DNAAF8: variants seen among roughly 807,000 people sequenced by gnomAD.
DNAAF8 encodes dynein axonemal-associated protein 1.
A neutral mutation model predicts 54.6 loss-of-function variants in DNAAF8; 61 were observed. That is an observed-to-expected ratio of 1.12 (90% CI 0.91 to 1.38). The LOEUF is 1.38. Among genes scored for constraint, DNAAF8 ranks in the 40% most tolerant of loss-of-function variants. The pLI is 0.00. For missense variants in DNAAF8, 837 were observed against 665.0 expected, an observed-to-expected ratio of 1.26 and a Z score of -2.85; for synonymous variants, 320 against 270.1, an observed-to-expected ratio of 1.18 and a Z score of -1.81.
chr16:4,734,692 G>T lies in DNAAF8; in HGVS notation c.-58G>T, dbSNP rs535259637. 366 of 152,398 alleles carry T rather than the reference G, an allele frequency of 2.4e-3. 1 individual carries two copies. The highest frequency in any genetic ancestry group is 4.3e-3 in the Non-Finnish European group (292 of 68,104). The allele number at this position is 152,398 out of a possible 1,614,324, so 9.4% of individuals were successfully genotyped here. On this transcript the variant is annotated 5_prime_UTR_variant, in exon 1 of 10. Transcript: ENST00000299320. ...GACAGCGCGGGGAGTGGAGGCAGAG[G>T]CCTGAGGTGAGGGGCCTCGGGCCTG...
chr16:4,736,964 C>T (rs80028185), intron 2 of DNAAF8, among the ~76,000 whole-genome samples: 3 of 152,242 alleles, frequency 2.0e-5, no homozygotes, highest in Non-Finnish European at 4.4e-5. Flanking sequence ...CTGTCCTTTC[C>T]ATTCTGCTAT....
In DNAAF8 at chr16:4,746,605, A is replaced by T. The variant is rs138694922; in HGVS notation, c.1181+93A>T. On this transcript the variant is annotated intron_variant, in intron 7 of 9. Coordinates refer to ENST00000299320, the MANE Select transcript of DNAAF8 (RefSeq NM_139170.3). Reference sequence around the variant, plus strand: ...CCTCTGGTGGATCCTGATGGGGAGGAACAGGGACTTCAAAAGGCTTGGATC... The same window carrying T: ...CCTCTGGTGGATCCTGATGGGGAGGTACAGGGACTTCAAAAGGCTTGGATC... The T allele has an allele frequency of 4.5e-5, 64 of 1,427,236 alleles. No homozygotes were observed. In the East Asian group the frequency reaches 1.5e-3, roughly 33 times the overall value. The allele number at this position is 1,427,236 out of a possible 1,614,324, so 88.4% of individuals were successfully genotyped here. A position where few individuals can be genotyped will look rare whatever the true frequency, so the allele number is the denominator to read the frequency against.
At chr16:4,735,540 A>AG (rs1362557791) in intron 1 of DNAAF8, among the ~76,000 whole-genome samples, 2 of 151,874 alleles carry the variant, frequency 1.3e-5, no homozygotes, top group African/African-American at 2.4e-5. Flanking sequence ...CTCACCCCCC[A>AG]GCTCTCAAGC....
intron 1 of DNAAF8, chr16:4,735,168 A>T (rs1417501746): frequency 2.0e-5 from 3 of 152,248 alleles, no homozygotes; most frequent in Non-Finnish European, 4.4e-5. Context: ...TCTGCCGGTA[A>T]TGCCGTTCCC....
intron 8 of DNAAF8, 92 bp downstream of exon 8, chr16:4,747,117 G>A (rs2082027555): frequency 2.1e-5 from 28 of 1,325,738 alleles, no homozygotes; most frequent in Non-Finnish European, 2.8e-5. Context: ...CGCCTGTGGT[G>A]AGGTCTTGCT....
intron 3 of DNAAF8, among the ~76,000 whole-genome samples, chr16:4,738,324 C>A (rs1166867829): frequency 1.3e-5 from 2 of 152,198 alleles, no homozygotes; most frequent in African/African-American, 4.8e-5. Flanking sequence ...CTCATCCCAG[C>A]ACCTGGCGAG....
intron 4 of DNAAF8, among the ~76,000 whole-genome samples, chr16:4,741,663 G>T (rs1277418290): frequency 2.0e-5 from 3 of 152,152 alleles, no homozygotes; most frequent in Non-Finnish European, 4.4e-5. Flanking sequence ...AGCCAAGTGT[G>T]GTGGTGCGCG....
At chr16:4,743,198 C>G (rs774823905) in intron 5 of DNAAF8, 38 bp downstream of exon 5, 4 of 1,433,026 alleles carry the variant, frequency 2.8e-6, no homozygotes, top group Non-Finnish European at 3.9e-6. Context: ...TGAATCCCCA[C>G]AAGCAGCACC....
intron 7 of DNAAF8, 178 bp from the exon 8 acceptor site, chr16:4,746,749 G>T: frequency 1.3e-6 from 1 of 752,824 alleles, no homozygotes; most frequent in Non-Finnish European, 2.1e-6. Context: ...ACACGTCTAG[G>T]CTGGAGGGCA....
rs1459653959 is a variant in DNAAF8 at position 4,746,607 on chromosome 16, C to A, written c.1181+95C>A. ...TCTGGTGGATCCTGATGGGGAGGAA[C>A]AGGGACTTCAAAAGGCTTGGATCAA... On this transcript the variant is annotated intron_variant, in intron 7 of 9. Coordinates refer to ENST00000299320, the MANE Select transcript of DNAAF8 (RefSeq NM_139170.3). 3.0e-5 allele frequency: 42 copies of A among 1,418,772 alleles called. 1 individual carries two copies. The South Asian group carries it at 5.7e-4, about 19-fold the overall frequency. The allele number at this position is 1,418,772 out of a possible 1,614,324, so 87.9% of individuals were successfully genotyped here. A position where few individuals can be genotyped will look rare whatever the true frequency, so the allele number is the denominator to read the frequency against.
rs773064936 is a variant in DNAAF8, at chr16:4,737,786, T to C, written c.130-14T>C. ...GCTGCCTTGTCCTCCAAAAGCCCTC[T>C]CATTTGTCCACAGTCGGACTATGGG... On this transcript the variant is annotated splice_polypyrimidine_tract_variant and intron_variant, in intron 2 of 9. Transcript: ENST00000299320. 10 of 1,613,958 alleles carry C rather than the reference T, an allele frequency of 6.2e-6. No homozygotes were observed. Among genetic ancestry groups the C allele is most frequent in the Non-Finnish European group, 8.5e-6 (10 of 1,179,886 alleles).
In DNAAF8 at chr16:4,744,967, T is replaced by G. The variant is rs1303291124; in HGVS notation, c.999T>G (p.Pro333=). Residue 333 remains proline, a synonymous_variant, in exon 6 of 10, where the codon CCT becomes CCG. Coordinates refer to ENST00000299320, the MANE Select transcript of DNAAF8 (RefSeq NM_139170.3). ...CCTCTGCTTGTGCCCGGAAGGTGCCTGCCGACACTCCCCAGGACACCAAAG... is the reference window on the plus strand; with the variant it reads ...CCTCTGCTTGTGCCCGGAAGGTGCCGGCCGACACTCCCCAGGACACCAAAG... ...SKASACARKV[P]ADTPQDTKEA... 14 of 1,613,890 alleles carry G rather than the reference T, an allele frequency of 8.7e-6. No individual in the cohort carries two copies. The highest frequency in any genetic ancestry group is 1.2e-5 in the Non-Finnish European group (14 of 1,180,010).
intron 4 of DNAAF8, 101 bp downstream of exon 4, chr16:4,740,760 A>T (rs1436255937): frequency 1.9e-5 from 26 of 1,377,356 alleles, no homozygotes; most frequent in Non-Finnish European, 2.4e-5. Context: ...GGGCTGGCCC[A>T]CTAGGACCTT....
chr16:4,745,247 G>T (rs2081999829), intron 6 of DNAAF8, among the ~76,000 whole-genome samples: 1 of 152,188 alleles, frequency 6.6e-6, no homozygotes, highest in South Asian at 2.1e-4. Flanking sequence ...AAGCCCTCAA[G>T]TACCTGCTCT....
At chr16:4,745,045 C>T (rs372959354) in intron 6 of DNAAF8, 34 bp downstream of exon 6, 182 of 1,601,314 alleles carry the variant, frequency 1.1e-4, no homozygotes, top group Non-Finnish European at 1.5e-4. Context: ...CTCCTGTGGT[C>T]CTTTAGAATG....
chr16:4,740,802 C>T, intron 4 of DNAAF8, 143 bp downstream of exon 4: 1 of 1,120,842 alleles, frequency 8.9e-7, no homozygotes, highest in Non-Finnish European at 1.2e-6. Context: ...GTGTACCTGT[C>T]TCAGTAGAGG....
rs141532558 is a variant in DNAAF8 at position 4,740,537 on chromosome 16, G to A, written c.661G>A (p.Gly221Ser). The A allele has an allele frequency of 4.6e-5, 74 of 1,614,034 alleles. No individual in the cohort carries two copies. The African/African-American group carries it at 4.9e-4, about 11-fold the overall frequency. Residue 221 changes from glycine to serine, a missense_variant, in exon 4 of 10, where the codon GGC becomes AGC. Physicochemically the swap from Gly to Ser is moderately conservative, Grantham distance 56. Transcript: ENST00000299320. The stretch of plus-strand genomic sequence containing the variant: ...CCAGAAAGTCACCCGGGATGCCTGC[G>A]GCCCGACCAGCAGTGACAAAGGTGG... Reference protein sequence around the residue: ...ILQKVTRDACGPTSSDKGGVK... With the variant: ...ILQKVTRDACSPTSSDKGGVK...
At chr16:4,737,001 G>T (rs529821710) in intron 2 of DNAAF8, among the ~76,000 whole-genome samples, 1 of 152,146 alleles carries the variant, frequency 6.6e-6, no homozygotes, top group Non-Finnish European at 1.5e-5. Context: ...CCAGGACAGG[G>T]CCAGAACACC....
At chr16:4,739,091 C>T (rs1413874579) in intron 3 of DNAAF8, among the ~76,000 whole-genome samples, 1 of 151,972 alleles carries the variant, frequency 6.6e-6, no homozygotes. Flanking sequence ...AGGAAATCTC[C>T]CATCAGCCCA....
Sources: gnomAD v4.1 joint callset for allele counts (sites outside exome capture counted in the v4.1 genomes callset) on GRCh38, gnomAD v4.1.1 for gene constraint, MANE v1.5 for transcripts, NCBI Gene and HGNC (gene_info 2026-07-23, HGNC 2026-07-21) for gene names.